The following F9 variants were observed in gnomAD, a reference collection of about 807,000 sequenced individuals.
F9 encodes the protein coagulation factor IX, also known as Christmas factor.
A neutral mutation model predicts 34.1 loss-of-function variants in F9; 2 were observed. The ratio of observed to expected loss-of-function variants is 0.06; its 90% CI spans 0.02 to 0.18. F9 has a LOEUF of 0.18. Among genes scored for constraint, F9 ranks in the 10% least tolerant of loss-of-function variants. The pLI is 1.00. For missense variants in F9, 216 were observed against 345.1 expected (o/e 0.63, Z 2.96); for synonymous variants, 137 against 118.8 (o/e 1.15, Z -1.00).
chrX:139,560,260 A>G (rs1928067503), intron 6 of F9, among the ~76,000 whole-genome samples: 1 of 112,081 alleles, frequency 8.9e-6, no homozygotes, highest in Non-Finnish European at 1.9e-5. Context: ...AAAGGGTTTG[A>G]AAAGACCTCC....
intron 4 of F9, 138 bp downstream of exon 4, chrX:139,541,327 G>A: frequency 5.3e-6 from 2 of 374,446 alleles, no homozygotes; most frequent in East Asian, 1.2e-4. Flanking sequence ...CATTTGTAGT[G>A]ATAGTTTTCA....
rs398122990 is a variant in F9, at chrX:139,541,073, A to G, written c.278-3A>G. 1 of 1,181,579 alleles carries G rather than the reference A, an allele frequency of 8.5e-7. No homozygotes were observed. Among genetic ancestry groups the G allele is most frequent in the Non-Finnish European group, 1.1e-6 (1 of 872,340 alleles). On this transcript the variant is annotated splice_polypyrimidine_tract_variant and splice_region_variant and intron_variant, in intron 3 of 7. Transcript: ENST00000218099. ...CAATTCAATTTCTTAACCTATCTCA[A>G]AGATGGAGATCAGTGTGAGTCCAAT...
chrX:139,536,164 T>TATATATGTATACATATATATGTGTAC (rs1238302434), intron 1 of F9, among the ~76,000 whole-genome samples: 92 of 105,337 alleles, frequency 8.7e-4, no homozygotes, highest in African/African-American at 2.5e-3. Context: ...TATGTGTGTG[T>TATATATGTATACATATATATGTGTAC]ATATATGTAT....
At chrX:139,559,006 G>A (rs1284071492) in intron 6 of F9, among the ~76,000 whole-genome samples, 1 of 111,288 alleles carries the variant, frequency 9.0e-6, no homozygotes, top group Non-Finnish European at 1.9e-5. Context: ...CTGATCTCAG[G>A]GGAGTTAATG....
At chrX:139,533,030 G>A (rs367544283) in intron 1 of F9, among the ~76,000 whole-genome samples, 5 of 111,483 alleles carry the variant, frequency 4.5e-5, no homozygotes, top group African/African-American at 1.6e-4. Flanking sequence ...AGTGGGGGAG[G>A]GGGCCGTACC....
chrX:139,548,308 C>G (rs1292703668), intron 4 of F9, 55 bp from the exon 5 acceptor site: 3 of 1,177,493 alleles, frequency 2.5e-6, no homozygotes, highest in Non-Finnish European at 3.5e-6. Context: ...GTTCCATGTA[C>G]TTTTTAGAAA....
chrX:139,550,573 G>C (rs1927816653), intron 5 of F9, among the ~76,000 whole-genome samples: 3 of 111,387 alleles, frequency 2.7e-5, no homozygotes, highest in Admixed American at 1.9e-4. Context: ...TCTCTCCCCA[G>C]AAAATATATA....
At chrX:139,547,067 C>T (rs1262208600) in intron 4 of F9, among the ~76,000 whole-genome samples, 4 of 111,025 alleles carry the variant, frequency 3.6e-5, no homozygotes, top group Non-Finnish European at 7.6e-5. Flanking sequence ...GACTTATTAT[C>T]GAGTTACATT....
chrX:139,562,438 C>T lies in F9; in HGVS notation c.*367C>T. On this transcript the variant is annotated 3_prime_UTR_variant, in exon 8 of 8. Transcript: ENST00000218099. ...TCCCGATCTTCTTTGCTTCTCCAAC[C>T]AAAACATCAATGTTTATTAGTTCTG... 4.2e-6 allele frequency: 1 copy of T among 237,857 alleles called. No individual in the cohort carries two copies. The highest frequency in any genetic ancestry group is 7.6e-6 in the Non-Finnish European group (1 of 131,197). The allele number at this position is 237,857 out of a possible 1,213,427, so 19.6% of individuals were successfully genotyped here. A position where few individuals can be genotyped will look rare whatever the true frequency, so the allele number is the denominator to read the frequency against.
chrX:139,539,894 C>A (rs1355918935), intron 3 of F9, among the ~76,000 whole-genome samples: 2 of 111,249 alleles, frequency 1.8e-5, no homozygotes, highest in African/African-American at 3.3e-5. Flanking sequence ...GTCAACGGAA[C>A]CTGGATACAC....
At chrX:139,531,218 T>C (rs1206736168) in intron 1 of F9, among the ~76,000 whole-genome samples, 1 of 111,848 alleles carries the variant, frequency 8.9e-6, no homozygotes, top group Non-Finnish European at 1.9e-5. Context: ...ATTATTTTTG[T>C]TTGGACTTAC....
chrX:139,556,909 A>G (rs1484845249), intron 6 of F9, among the ~76,000 whole-genome samples: 1 of 112,425 alleles, frequency 8.9e-6, no homozygotes, highest in Non-Finnish European at 1.9e-5. Flanking sequence ...TTATTGTACA[A>G]CTTGGGTGGG....
chrX:139,539,622 C>T (rs1004736555), intron 3 of F9, among the ~76,000 whole-genome samples: 1 of 112,469 alleles, frequency 8.9e-6, no homozygotes, highest in African/African-American at 3.2e-5. Context: ...AAAGCCCAGA[C>T]CCTTTCAGTA....
intron 6 of F9, among the ~76,000 whole-genome samples, chrX:139,556,630 A>G (rs988616267): frequency 1.8e-5 from 2 of 112,541 alleles, no homozygotes; most frequent in African/African-American, 6.5e-5. Flanking sequence ...TAAAAATTCA[A>G]TTAAGAGAAA....
At chrX:139,543,556 A>C (rs1301804686) in intron 4 of F9, among the ~76,000 whole-genome samples, 1 of 112,557 alleles carries the variant, frequency 8.9e-6, no homozygotes, top group East Asian at 2.8e-4. Context: ...AAATATGTTG[A>C]GTTTAGCTGA....
chrX:139,537,296 G>A, intron 2 of F9, 66 bp from the exon 3 acceptor site: 1 of 1,113,653 alleles, frequency 9.0e-7, no homozygotes, highest in Non-Finnish European at 1.2e-6. Context: ...TGTTATAAAA[G>A]ATAGGAAATC....
At chrX:139,547,448 T>A (rs1016593434) in intron 4 of F9, 3 of 111,149 alleles carry the variant, frequency 2.7e-5, no homozygotes, top group Non-Finnish European at 5.7e-5. Context: ...AGACAAGATA[T>A]CTGCAATACA....
In F9 at chrX:139,537,088, T is replaced by C. The variant is rs1927495027; in HGVS notation, c.167T>C (p.Val56Ala). Residue 56 changes from valine to alanine, a missense_variant, in exon 2 of 8, where the codon GTT becomes GCT. Coordinates refer to ENST00000218099, the MANE Select transcript of F9 (RefSeq NM_000133.4). ...RYNSGKLEEF[V>A]QGNLERECME... The stretch of plus-strand genomic sequence containing the variant: ...AATTCAGGTAAATTGGAAGAGTTTG[T>C]TCAAGGGAACCTTGAGAGAGAATGT... 1 of 1,208,798 alleles carries C rather than the reference T, an allele frequency of 8.3e-7. No individual in the cohort carries two copies. Among genetic ancestry groups the C allele is most frequent in the South Asian group, 1.8e-5 (1 of 56,795 alleles).
chrX:139,547,988 G>A (rs1057477551), intron 4 of F9: 1 of 172,410 alleles, frequency 5.8e-6, no homozygotes, highest in Admixed American at 7.7e-5. Context: ...GGTCAGTTTA[G>A]TGTTTAAACA....
Sources: gnomAD v4.1 joint callset for allele counts (sites outside exome capture counted in the v4.1 genomes callset) on GRCh38, gnomAD v4.1.1 for gene constraint, MANE v1.5 for transcripts, NCBI Gene and HGNC (gene_info 2026-07-23, HGNC 2026-07-21) for gene names.